Variants in USP34 observed in about 807,000 individuals in gnomAD.
USP34 encodes the protein ubiquitin specific peptidase 34.
Under a neutral mutation model 460.3 loss-of-function variants are expected in USP34, and 70 were observed. The ratio of observed to expected loss-of-function variants is 0.15; its 90% CI spans 0.13 to 0.19. The LOEUF is 0.19. Among genes scored for constraint, USP34 ranks in the 10% least tolerant of loss-of-function variants. The pLI is 1.00. For synonymous variants in USP34, 1,647 were observed against 1,405.3 expected, an observed-to-expected ratio of 1.17 and a Z score of -3.85; for missense variants, 3,985 against 4,236.2, an observed-to-expected ratio of 0.94 and a Z score of 1.65.
rs1690323204 is a variant in USP34 at position 61,304,026 on chromosome 2, T to C, written c.3818-2572A>G. Reference sequence around the variant, plus strand: ...GATTCTCATGCCTCAGCCTTCCAAGTAGCTGGGATTACGGGTGCACACCAC... The same window carrying C: ...GATTCTCATGCCTCAGCCTTCCAAGCAGCTGGGATTACGGGTGCACACCAC... On this transcript the variant is annotated intron_variant, in intron 27 of 79. Coordinates refer to ENST00000398571, the MANE Select transcript of USP34 (RefSeq NM_014709.4). 2.0e-5 allele frequency among the ~76,000 whole-genome samples: 3 copies of C among 152,154 alleles called. No individual in the cohort carries two copies. The South Asian group carries it at 6.2e-4, about 32-fold the overall frequency.
intron 5 of USP34, 150 bp from the exon 6 acceptor site, chr2:61,383,486 G>A (rs968917079): frequency 1.0e-5 from 5 of 483,312 alleles, no homozygotes; most frequent in East Asian, 6.9e-5. Context: ...GGGCAGATCC[G>A]AAGGTCAGGA....
chr2:61,339,687 GAGAA>G lies in USP34; in HGVS notation c.2501-10_2501-7del. 1.6e-6 allele frequency: 2 copies of G among 1,257,102 alleles called. No homozygotes were observed. Among genetic ancestry groups the G allele is most frequent in the East Asian group, 2.8e-5 (1 of 35,556 alleles). The allele number at this position is 1,257,102 out of a possible 1,614,324, so 77.9% of individuals were successfully genotyped here. A position where few individuals can be genotyped will look rare whatever the true frequency, so the allele number is the denominator to read the frequency against. On this transcript the variant is annotated splice_region_variant and splice_polypyrimidine_tract_variant and intron_variant, in intron 16 of 79. Transcript: ENST00000398571. ...ATGTTTATGAACTACAGGTCCTGAA[GAGAA>G]AAAAAAAAAAAAGACACACTATAGA...
Position 61,331,474 on chromosome 2 carries a change from T to C in USP34, c.2835-103A>G, listed in dbSNP as rs1035591949. The C allele has an allele frequency of 3.1e-5, 29 of 946,068 alleles. No homozygotes were observed. In the South Asian group the frequency reaches 6.8e-4, roughly 22 times the overall value. The allele number at this position is 946,068 out of a possible 1,614,324, so 58.6% of individuals were successfully genotyped here. The stretch of plus-strand genomic sequence containing the variant: ...CAAATCTAAAAAAAATCTTCAAATG[T>C]AAAATTTTAGTTACGAAAAATATAC... On this transcript the variant is annotated intron_variant, in intron 19 of 79. Transcript: ENST00000398571.
intron 1 of USP34, among the ~76,000 whole-genome samples, chr2:61,444,994 A>G (rs1322742166): frequency 6.6e-6 from 1 of 151,720 alleles, no homozygotes; most frequent in Non-Finnish European, 1.5e-5. Flanking sequence ...CCGATAGGTG[A>G]TTTCTCTGTA....
chr2:61,380,469 A>T (rs1046632521), intron 6 of USP34, 108 bp from the exon 7 acceptor site: 3 of 1,116,136 alleles, frequency 2.7e-6, no homozygotes, highest in Non-Finnish European at 3.7e-6. Context: ...TTTGTGTCCA[A>T]AACCCACAAA....
At chr2:61,349,512 T>C (rs991908601) in intron 12 of USP34, among the ~76,000 whole-genome samples, 7 of 151,998 alleles carry the variant, frequency 4.6e-5, no homozygotes, top group African/African-American at 1.7e-4. Flanking sequence ...TCAACTAATG[T>C]TTCAGAAAGC....
intron 74 of USP34, 62 bp from the exon 75 acceptor site, chr2:61,203,325 G>C: frequency 7.3e-7 from 1 of 1,362,210 alleles, no homozygotes; most frequent in Non-Finnish European, 9.5e-7. Flanking sequence ...CATATTTTGT[G>C]CAAATGTAAT....
chr2:61,247,534 A>AC (rs1553356978), intron 49 of USP34, among the ~76,000 whole-genome samples: 2 of 151,978 alleles, frequency 1.3e-5, no homozygotes, highest in African/African-American at 2.4e-5. Context: ...CCAGAAAAAA[A>AC]TTTTTTTTCA....
At chr2:61,334,094 A>C (rs1229645477) in intron 18 of USP34, 123 bp from the exon 19 acceptor site, 1 of 588,250 alleles carries the variant, frequency 1.7e-6, no homozygotes, top group African/African-American at 1.9e-5. Context: ...TATTACACAA[A>C]CATTAAACTT....
chr2:61,450,227 G>C (rs913068995), intron 1 of USP34, among the ~76,000 whole-genome samples: 7 of 152,168 alleles, frequency 4.6e-5, no homozygotes, highest in Admixed American at 4.6e-4. Flanking sequence ...GAAAGGTTCA[G>C]AATAGGCAAA....
intron 1 of USP34, among the ~76,000 whole-genome samples, chr2:61,451,837 A>G (rs2104066140): frequency 6.6e-6 from 1 of 152,320 alleles, no homozygotes; most frequent in Admixed American, 6.5e-5. Flanking sequence ...TAAATTCCAG[A>G]TGAATAAAAA....
chr2:61,395,298 C>T (rs1448625812), intron 3 of USP34, 65 bp from the exon 4 acceptor site: 2 of 963,136 alleles, frequency 2.1e-6, no homozygotes, highest in Non-Finnish European at 3.2e-6. Flanking sequence ...AAATACAATT[C>T]TATAAAAGAC....
At chr2:61,422,169 T>A (rs1694381878) in intron 1 of USP34, among the ~76,000 whole-genome samples, 1 of 152,196 alleles carries the variant, frequency 6.6e-6, no homozygotes, top group Admixed American at 6.5e-5. Context: ...AGTTGGGGCC[T>A]AAGATGAAGC....
chr2:61,425,911 C>T (rs1694497542), intron 1 of USP34, among the ~76,000 whole-genome samples: 1 of 151,852 alleles, frequency 6.6e-6, no homozygotes, highest in African/African-American at 2.4e-5. Context: ...GTGGGGGGGA[C>T]TCTCTTGCAT....
chr2:61,217,926 G>A (rs1687449318), intron 67 of USP34, among the ~76,000 whole-genome samples: 2 of 152,186 alleles, frequency 1.3e-5, no homozygotes, highest in African/African-American at 4.8e-5. Context: ...CTACACTCCA[G>A]CCTGGGCCAC....
At chr2:61,229,050 C>T (rs533160141) in intron 59 of USP34, 55 bp from the exon 60 acceptor site, 26 of 1,347,472 alleles carry the variant, frequency 1.9e-5, no homozygotes, top group South Asian at 8.6e-5. Flanking sequence ...AAATACTGTT[C>T]GAGAGAAAAA....
chr2:61,190,642 T>G lies in USP34; in HGVS notation c.9605A>C (p.Asn3202Thr), dbSNP rs1227248816. 1 of 1,613,634 alleles carries G rather than the reference T, an allele frequency of 6.2e-7. No individual in the cohort carries two copies. The highest frequency in any genetic ancestry group is 8.5e-7 in the Non-Finnish European group (1 of 1,179,850). ...ATCTTCACACAAAAGCTTGATGCAG[T>G]TTTTTGACATAGCAGACTAAAGTGG... ...LCQTQSAMSK[N>T]CIKLLCEDPV... is the part of the protein sequence containing the mutation. Residue 3202 changes from asparagine (N) to threonine (T), a missense_variant, in exon 77 of 80, where the codon AAC becomes ACC. Asn to Thr is a moderately conservative substitution (Grantham distance 65). Transcript: ENST00000398571.
chr2:61,280,425 C>T, intron 38 of USP34, 77 bp from the exon 39 acceptor site: 2 of 682,372 alleles, frequency 2.9e-6, no homozygotes, highest in Non-Finnish European at 4.4e-6. Context: ...AAACTAGAGG[C>T]TTTATGAAAT....
intron 41 of USP34, among the ~76,000 whole-genome samples, chr2:61,274,052 A>G (rs1018598109): frequency 2.0e-5 from 3 of 151,762 alleles, no homozygotes; most frequent in Non-Finnish European, 4.4e-5. Flanking sequence ...TAGTAGCTGT[A>G]AAAGATCAAT....
Sources: allele counts gnomAD v4.1 joint callset (sites outside exome capture counted in the v4.1 genomes callset), GRCh38; gene constraint gnomAD v4.1.1; transcripts MANE v1.5; gene names NCBI Gene and HGNC (gene_info 2026-07-23, HGNC 2026-07-21).